PCNT: variants seen among roughly 807,000 people sequenced by gnomAD.
PCNT encodes the protein pericentrin.
In PCNT, 319 loss-of-function variants were observed where a neutral mutation model predicts 380.4. The observed-to-expected ratio is 0.84, with a 90% CI of 0.77 to 0.92. The LOEUF is 0.92. Ranked by LOEUF, PCNT falls within the 40% of genes least tolerant of loss-of-function variation. The pLI is 0.00. For synonymous variants in PCNT, 1,845 were observed against 1,735.2 expected, an observed-to-expected ratio of 1.06 and a Z score of -1.57; for missense variants, 4,400 against 4,255.3, an observed-to-expected ratio of 1.03 and a Z score of -0.95.
At chr21:46,374,901 G>T (rs920757021) in intron 15 of PCNT, among the ~76,000 whole-genome samples, 2 of 151,638 alleles carry the variant, frequency 1.3e-5, no homozygotes, top group African/African-American at 4.9e-5. Context: ...AGCCCTGACG[G>T]GAGTGTTTTG....
At position 46,430,363 on chromosome 21, in the gene PCNT, G is replaced by C. The variant is rs375970815; in HGVS notation, c.7913+131G>C. On this transcript the variant is annotated intron_variant, in intron 36 of 46. Coordinates refer to ENST00000359568, the MANE Select transcript of PCNT (RefSeq NM_006031.6). ...AGCCCCAGGGGCACCGCGCCCTGCTGTCCCTGGGTTGATAATCCTGTGGTG... is the reference window on the plus strand; with the variant it reads ...AGCCCCAGGGGCACCGCGCCCTGCTCTCCCTGGGTTGATAATCCTGTGGTG... 4.0e-5 allele frequency: 56 copies of C among 1,395,052 alleles called. 1 individual carries two copies. The East Asian group carries it at 4.7e-4, about 12-fold the overall frequency. The allele number at this position is 1,395,052 out of a possible 1,614,324, so 86.4% of individuals were successfully genotyped here.
At chr21:46,374,781 G>A (rs1275404005) in intron 15 of PCNT, among the ~76,000 whole-genome samples, 1 of 151,250 alleles carries the variant, frequency 6.6e-6, no homozygotes, top group Non-Finnish European at 1.5e-5. Context: ...CCTGGGAGGT[G>A]GAGGTTGTGG....
chr21:46,390,568 C>CGAT (rs35120047), intron 19 of PCNT, 102 bp from the exon 20 acceptor site: 11 of 1,300,166 alleles, frequency 8.5e-6, no homozygotes, highest in East Asian at 4.6e-5. Flanking sequence ...TGGGTGGTGA[C>CGAT]GGCCTGAAGG....
intron 19 of PCNT, among the ~76,000 whole-genome samples, chr21:46,390,262 G>T (rs2085986103): frequency 6.6e-6 from 1 of 152,236 alleles, no homozygotes; most frequent in Admixed American, 6.5e-5. Context: ...GCCGTGAGTT[G>T]TGGTTGCACC....
chr21:46,355,708 G>C, intron 12 of PCNT, 82 bp downstream of exon 12: 2 of 1,407,520 alleles, frequency 1.4e-6, no homozygotes, highest in Non-Finnish European at 2.0e-6. Flanking sequence ...GCCTGGGTTC[G>C]ATCCAAGTCC....
Position 46,430,546 on chromosome 21 carries a change from G to C in PCNT, c.7953G>C (p.Ala2651=), listed in dbSNP as rs765368263. The change falls in exon 37 of 47, where the codon GCG becomes GCC. Residue 2651 remains alanine, a synonymous_variant. Coordinates refer to ENST00000359568, the MANE Select transcript of PCNT (RefSeq NM_006031.6). ...GTAAGGAGAACGAGCTGAAGGCCGC[G>C]CTTCAGGAGCTGGAGAGTGAGCAGG... ...LSSKENELKA[A]LQELESEQGK... 1 of 1,555,600 alleles carries C rather than the reference G, an allele frequency of 6.4e-7. No individual in the cohort carries two copies. Among genetic ancestry groups the C allele is most frequent in the South Asian group, 1.2e-5 (1 of 84,362 alleles).
chr21:46,339,886 G>A (rs1569169347), intron 3 of PCNT, among the ~76,000 whole-genome samples: 5 of 152,134 alleles, frequency 3.3e-5, no homozygotes, highest in Admixed American at 1.3e-4. Context: ...ATGTGTGGAT[G>A]ATGCTTTTCT....
intron 6 of PCNT, 35 bp from the exon 7 acceptor site, chr21:46,348,977 A>G (rs192749434): frequency 8.2e-6 from 11 of 1,341,124 alleles, no homozygotes; most frequent in African/African-American, 2.9e-5. Flanking sequence ...CAGATAATCA[A>G]CTATTGAGTT....
chr21:46,399,283 T>TCAGCCTGTGGGTCTAGGTCTCCCTGTG (rs2086329788), intron 24 of PCNT, among the ~76,000 whole-genome samples: 1 of 32,860 alleles, frequency 3.0e-5, no homozygotes, highest in African/African-American at 2.1e-4. Flanking sequence ...GGGTCTCTGT[T>TCAGCCTGTGGGTCTAGGTCTCCCTGTG]CAGCCTGTGA....
chr21:46,444,013 CAGAGAAATGCATT>C, intron 45 of PCNT, 65 bp downstream of exon 45: 1 of 1,526,390 alleles, frequency 6.6e-7, no homozygotes, highest in Non-Finnish European at 8.9e-7. Context: ...CATAGGGCCT[CAGAGAAATGCATT>C]TTTAGTTCTG....
intron 38 of PCNT, among the ~76,000 whole-genome samples, chr21:46,433,572 T>A (rs1480014044): frequency 6.6e-6 from 1 of 152,188 alleles, no homozygotes; most frequent in African/African-American, 2.4e-5. Context: ...GCTCATCCTT[T>A]GATGGAATGC....
chr21:46,382,419 G>A (rs1232002046), intron 16 of PCNT, among the ~76,000 whole-genome samples: 5 of 143,344 alleles, frequency 3.5e-5, no homozygotes, highest in African/African-American at 1.0e-4. Context: ...CAGCAGAAGC[G>A]CATTCACGGT....
chr21:46,366,705 C>T lies in PCNT; in HGVS notation c.2731C>T (p.Gln911Ter), dbSNP rs376164735. ...LQLLQERHQQQLLSVTAELEA... is the reference protein window; with the variant it reads ...LQLLQERHQQ ...GCTCCTCCAGGAGAGACACCAGCAGCAGCTCCTGTCAGTGACGGCGGAGCT... is the reference window on the plus strand; with the variant it reads ...GCTCCTCCAGGAGAGACACCAGCAGTAGCTCCTGTCAGTGACGGCGGAGCT... The change falls in exon 15 of 47, where the codon CAG becomes TAG. Residue 911 changes from glutamine (Q) to a stop codon, truncating the protein, a stop_gained. Transcript: ENST00000359568. LOFTEE classifies it high-confidence loss of function. The T allele has an allele frequency of 1.9e-6, 3 of 1,613,768 alleles. No individual in the cohort carries two copies. The highest frequency in any genetic ancestry group is 1.1e-5 in the South Asian group (1 of 91,084).
chr21:46,360,733 T>A (rs1366678544), intron 13 of PCNT, among the ~76,000 whole-genome samples: 1 of 151,394 alleles, frequency 6.6e-6, no homozygotes, highest in Admixed American at 6.6e-5. Context: ...TTAGCCAGGA[T>A]GGTCTCAATC....
At chr21:46,374,580 T>G (rs562759962) in intron 15 of PCNT, among the ~76,000 whole-genome samples, 1 of 152,258 alleles carries the variant, frequency 6.6e-6, no homozygotes, top group Admixed American at 6.5e-5. Flanking sequence ...CTGGCTGCAG[T>G]GGCTCACGCC....
Position 46,324,248 on chromosome 21 carries a change from A to G in PCNT, c.20A>G (p.Gln7Arg), listed in dbSNP as rs1224075114. MEVEQE[Q>R]RRRKVEAGRT... ...AGGGAGATGGAAGTTGAGCAAGAGC[A>G]GCGGCGCAGAAAGGTGGAGGCCGGG... The change falls in exon 1 of 47, where the codon CAG becomes CGG. Residue 7 changes from glutamine to arginine, a missense_variant. Transcript: ENST00000359568. 4.3e-6 allele frequency: 7 copies of G among 1,612,312 alleles called. No homozygotes were observed. Among genetic ancestry groups the G allele is most frequent in the Non-Finnish European group, 5.1e-6 (6 of 1,179,184 alleles).
At chr21:46,380,505 G>A (rs866295802) in intron 15 of PCNT, among the ~76,000 whole-genome samples, 2 of 151,424 alleles carry the variant, frequency 1.3e-5, no homozygotes, top group Admixed American at 6.6e-5. Context: ...ACCCAGTCAC[G>A]GCAGCAAGGT....
chr21:46,419,829 C>T (rs1384382626), intron 31 of PCNT, among the ~76,000 whole-genome samples: 1 of 152,180 alleles, frequency 6.6e-6, no homozygotes. Context: ...CAGCCTCCAC[C>T]TCCCGTACTC....
chr21:46,346,080 G>T, intron 3 of PCNT, 48 bp from the exon 4 acceptor site: 1 of 1,556,610 alleles, frequency 6.4e-7, no homozygotes, highest in Non-Finnish European at 8.9e-7. Context: ...CATCACTGTG[G>T]CTTCTCATGT....
Sources: allele counts gnomAD v4.1 joint callset (sites outside exome capture counted in the v4.1 genomes callset), GRCh38; gene constraint gnomAD v4.1.1; transcripts MANE v1.5; gene names NCBI Gene and HGNC (gene_info 2026-07-23, HGNC 2026-07-21).